NCSTN: variants seen among roughly 807,000 people sequenced by gnomAD.
NCSTN encodes nicastrin.
A neutral mutation model predicts 87.0 loss-of-function variants in NCSTN; 22 were observed. The ratio of observed to expected loss-of-function variants is 0.25; its 90% CI spans 0.18 to 0.36. The LOEUF (loss-of-function observed/expected upper bound fraction) is 0.36, where lower values mean the gene tolerates loss of function less well. Ranked by LOEUF, NCSTN falls within the 10% of genes least tolerant of loss-of-function variation. NCSTN has a pLI of 1.00. For missense variants in NCSTN, 693 were observed against 883.3 expected (o/e 0.78, Z 2.73); for synonymous variants, 306 against 327.1 (o/e 0.94, Z 0.69).
intron 10 of NCSTN, chr1:160,353,686 T>C (rs1250420317): frequency 1.0e-6 from 1 of 985,262 alleles, no homozygotes; most frequent in Non-Finnish European, 1.2e-6. Context: ...GGTGGTCCTC[T>C]TTCTGCAATT....
At position 160,351,203 on chromosome 1, in the gene NCSTN, G is replaced by T. The variant is rs200320733; in HGVS notation, c.583-19G>T. On this transcript the variant is annotated intron_variant, in intron 5 of 16. Coordinates refer to ENST00000294785, the MANE Select transcript of NCSTN (RefSeq NM_015331.3). Reference sequence around the variant, plus strand: ...CTCCACAAACTAGCTGTCTCAGTGGGGTCCATCTCCCCTTTCAGTGCTATC... The same window carrying T: ...CTCCACAAACTAGCTGTCTCAGTGGTGTCCATCTCCCCTTTCAGTGCTATC... The T allele has an allele frequency of 1.9e-6, 3 of 1,613,922 alleles. No homozygotes were observed. In the South Asian group the frequency reaches 3.3e-5, roughly 18 times the overall value.
intron 2 of NCSTN, among the ~76,000 whole-genome samples, chr1:160,346,698 C>A (rs2101893159): frequency 6.6e-6 from 1 of 152,230 alleles, no homozygotes; most frequent in South Asian, 2.1e-4. Flanking sequence ...TTCCTCCTCC[C>A]AGGTTAAAGC....
At chr1:160,350,333 T>C in intron 5 of NCSTN, 83 bp downstream of exon 5, 1 of 1,522,266 alleles carries the variant, frequency 6.6e-7, no homozygotes, top group Non-Finnish European at 9.0e-7. Flanking sequence ...GTGCACGTAG[T>C]CCCAGCCACC....
chr1:160,349,951 G>A (rs1423464013), intron 4 of NCSTN, among the ~76,000 whole-genome samples, 154 bp from the exon 5 acceptor site: 1 of 152,016 alleles, frequency 6.6e-6, no homozygotes, highest in Admixed American at 6.6e-5. Flanking sequence ...TTCTATTTTA[G>A]TGTGGATGGT....
rs867037551 is a variant in NCSTN at position 160,352,126 on chromosome 1, C to T, written c.916C>T (p.Leu306=). The change falls in exon 8 of 17, where the codon CTG becomes TTG. Residue 306 remains leucine (L), a synonymous_variant. Coordinates refer to ENST00000294785, the MANE Select transcript of NCSTN (RefSeq NM_015331.3). ...ESAVASFVTQ[L]AAAEALQKAP... ...CGCAGTGGCTTCCTTTGTCACCCAG[C>T]TGGCTGCTGCTGAAGCTTTGCAAAA... The T allele has an allele frequency of 6.2e-7, 1 of 1,614,254 alleles. No individual in the cohort carries two copies. The highest frequency in any genetic ancestry group is 2.2e-5 in the East Asian group (1 of 44,888).
Position 160,356,765 on chromosome 1 carries a change from G to C in NCSTN, c.1794+11G>C. ...AGTGAAAACAAGGATGTGAGTGGTG[G>C]TGGGTGTTGGAAGTGCCCTGGGGCC... On this transcript the variant is annotated intron_variant, in intron 15 of 16. Coordinates refer to ENST00000294785, the MANE Select transcript of NCSTN (RefSeq NM_015331.3). 1 of 1,614,194 alleles carries C rather than the reference G, an allele frequency of 6.2e-7. No homozygotes were observed. The highest frequency in any genetic ancestry group is 8.5e-7 in the Non-Finnish European group (1 of 1,180,032).
chr1:160,358,479 C>T lies in NCSTN; in HGVS notation c.*208C>T. 1.5e-6 allele frequency: 1 copy of T among 650,908 alleles called. No homozygotes were observed. The highest frequency in any genetic ancestry group is 2.4e-5 in the Admixed American group (1 of 41,306). 40.3% of individuals were successfully genotyped at this position (650,908 alleles called of 1,614,324 possible). ...CGCTCCCCTTTCCCATCACCCCTTC[C>T]CCATTTCCTCTTCCTTCTCTACTCA... is the stretch of plus-strand genomic sequence containing the variant. On this transcript the variant is annotated 3_prime_UTR_variant, in exon 17 of 17. Coordinates refer to ENST00000294785, the MANE Select transcript of NCSTN (RefSeq NM_015331.3).
rs1331853599 is a variant in NCSTN at position 160,355,913 on chromosome 1, A to G, written c.1506A>G (p.Ala502=). The change falls in exon 13 of 17, where the codon GCA becomes GCG. Residue 502 remains alanine (A), a synonymous_variant. Transcript: ENST00000294785. ...TVLGRALYEL[A]GGTNFSDTVQ... ...TGGGACGTGCTCTGTATGAGCTTGCAGGAGGAACCAACTTCAGCGACACAG... is the reference window on the plus strand; with the variant it reads ...TGGGACGTGCTCTGTATGAGCTTGCGGGAGGAACCAACTTCAGCGACACAG... The G allele has an allele frequency of 3.1e-6, 5 of 1,614,116 alleles. No individual in the cohort carries two copies. The African/African-American group carries it at 4.0e-5, about 13-fold the overall frequency.
In NCSTN at chr1:160,344,801, C is replaced by T. The variant is rs200064315; in HGVS notation, c.165C>T (p.Asn55=). 1.1e-5 allele frequency: 18 copies of T among 1,613,866 alleles called. No homozygotes were observed. The highest frequency in any genetic ancestry group is 4.4e-5 in the South Asian group (4 of 91,060). The change falls in exon 2 of 17, where the codon AAC becomes AAT. Residue 55 remains asparagine (N), a synonymous_variant. Transcript: ENST00000294785. ...CAGCTCCCTGTGTTCGCCTGCTCAA[C>T]GCCACTCATCAGATTGGCTGCCAGT... The part of the protein sequence containing the change: ...NKTAPCVRLL[N]ATHQIGCQSS...
chr1:160,352,828 G>A, intron 8 of NCSTN, 59 bp from the exon 9 acceptor site: 12 of 1,379,176 alleles, frequency 8.7e-6, no homozygotes, highest in East Asian at 2.3e-5. Flanking sequence ...GGCCGCCTTC[G>A]AGGCTCTCCT....
intron 2 of NCSTN, among the ~76,000 whole-genome samples, chr1:160,348,479 T>C (rs986226741): frequency 6.6e-6 from 1 of 152,218 alleles, no homozygotes; most frequent in African/African-American, 2.4e-5. Context: ...AGCTCTGTTT[T>C]AGAAACCTCA....
At position 160,355,674 on chromosome 1, in the gene NCSTN, G is replaced by A; in HGVS notation, c.1372G>A (p.Asp458Asn). 6.2e-7 allele frequency: 1 copy of A among 1,614,020 alleles called. No homozygotes were observed. The highest frequency in any genetic ancestry group is 1.3e-5 in the African/African-American group (1 of 75,044). The change falls in exon 12 of 17, where the codon GAC (aspartate) becomes AAC (asparagine). Residue 458 changes from aspartate (D) to asparagine (N), a missense_variant. Around this residue, in one of 4 missense-constraint regions of NCSTN, gnomAD observed 108 missense variants for 111.6 expected, o/e 0.97. Transcript: ENST00000294785. The stretch of plus-strand genomic sequence containing the variant: ...TGGCAGATATTACCAGAGTATTTAC[G>A]ACACTGCTGAGAACATTAATGTGAG... ...FHNKYYQSIY[D>N]TAENINVSYP...
At chr1:160,343,602 C>T (rs1648244068) in intron 1 of NCSTN, 121 bp downstream of exon 1, 1 of 978,718 alleles carries the variant, frequency 1.0e-6, no homozygotes, top group Non-Finnish European at 1.6e-6. Flanking sequence ...CCCTGTAAAT[C>T]CTCTTTCTTT....
intron 12 of NCSTN, 48 bp downstream of exon 12, chr1:160,355,805 T>C: frequency 6.2e-7 from 1 of 1,602,680 alleles, no homozygotes; most frequent in Non-Finnish European, 8.5e-7. Flanking sequence ...ACAGTGAAGA[T>C]GCTAGCATTT....
At chr1:160,356,857 G>A (rs777418634) in intron 15 of NCSTN, 103 bp downstream of exon 15, 33 of 1,493,144 alleles carry the variant, frequency 2.2e-5, no homozygotes, top group Admixed American at 5.6e-5. Flanking sequence ...GGATGGAGAG[G>A]TGGAGAGATG....
At position 160,344,340 on chromosome 1, in the gene NCSTN, G is replaced by C; in HGVS notation, c.86-382G>C. On this transcript the variant is annotated intron_variant, in intron 1 of 16. Transcript: ENST00000294785. ...AAAAATGCCTCAGAAAGTTTTCTTA[G>C]CCCAGCACCTGTGTATTAACCAATT... 6.0e-6 allele frequency: 5 copies of C among 834,650 alleles called. No individual in the cohort carries two copies. The South Asian group carries it at 9.6e-5, about 16-fold the overall frequency. 51.7% of individuals were successfully genotyped at this position (834,650 alleles called of 1,614,324 possible). A position where few individuals can be genotyped will look rare whatever the true frequency, so the allele number is the denominator to read the frequency against.
chr1:160,347,343 C>G (rs968689110), intron 2 of NCSTN, among the ~76,000 whole-genome samples: 5 of 152,214 alleles, frequency 3.3e-5, no homozygotes, highest in African/African-American at 7.2e-5. Flanking sequence ...TTATAATACT[C>G]TGCTTCTCTT....
chr1:160,352,755 T>A, intron 8 of NCSTN, 132 bp from the exon 9 acceptor site: 1 of 748,468 alleles, frequency 1.3e-6, no homozygotes. Context: ...GTCACATGAC[T>A]GTAAGCTGAC....
At chr1:160,351,647 A>T (rs754637223) in intron 6 of NCSTN, 49 bp from the exon 7 acceptor site, 1 of 1,487,602 alleles carries the variant, frequency 6.7e-7, no homozygotes, top group South Asian at 1.1e-5. Context: ...CTTTATAGCT[A>T]CCTTCTCCTT....
Sources: gnomAD v4.1 joint callset for allele counts (sites outside exome capture counted in the v4.1 genomes callset) on GRCh38, gnomAD v4.1.1 for gene constraint, gnomAD v4.1.1 regional missense constraint, MANE v1.5 for transcripts, NCBI Gene and HGNC (gene_info 2026-07-23, HGNC 2026-07-21) for gene names.